Variants in KLF12 observed in about 807,000 individuals in gnomAD.
KLF12 encodes KLF transcription factor 12, also known as Krueppel-like factor 12.
In KLF12, 9 loss-of-function variants were observed where a neutral mutation model predicts 37.8. The observed-to-expected ratio is 0.24, with a 90% CI of 0.14 to 0.42. KLF12 has a LOEUF of 0.42. KLF12 is among the 10% of genes least tolerant of loss of function. The pLI is 1.00. For missense variants in KLF12, 411 were observed against 516.0 expected (o/e 0.80, Z 1.97); for synonymous variants, 208 against 202.1 (o/e 1.03, Z -0.25).
rs534223587 is a variant in KLF12, at chr13:73,976,648, C to T, written c.33+18342G>A. ...AACTCTCCTGCTTATAATTTTTTAA[C>T]GACTACATTTAGAGTGAAGTGAAAT... is the stretch of plus-strand genomic sequence containing the variant. On this transcript the variant is annotated intron_variant, in intron 2 of 7. Transcript: ENST00000377669. 3.3e-4 allele frequency among the ~76,000 whole-genome samples: 50 copies of T among 152,218 alleles called. No homozygotes were observed. The South Asian group carries it at 4.8e-3, about 15-fold the overall frequency.
At chr13:74,069,040 G>C (rs1195733903) in intron 1 of KLF12, among the ~76,000 whole-genome samples, 1 of 152,128 alleles carries the variant, frequency 6.6e-6, no homozygotes, top group Non-Finnish European at 1.5e-5. Flanking sequence ...AGAGACTAAG[G>C]TTTTAGCCCT....
At chr13:73,793,082 C>G (rs1199210973) in intron 5 of KLF12, among the ~76,000 whole-genome samples, 1 of 152,154 alleles carries the variant, frequency 6.6e-6, no homozygotes, top group Non-Finnish European at 1.5e-5. Context: ...AAGTGACAAC[C>G]TTTCTACCCA....
rs545971542 is a variant in KLF12, at chr13:74,097,601, A to G, written c.-32+36138T>C. 9.0e-4 allele frequency among the ~76,000 whole-genome samples: 137 copies of G among 152,288 alleles called. 1 individual carries two copies. The highest frequency in any genetic ancestry group is 1.8e-3 in the Admixed American group (27 of 15,294). ...AGATTCACTGTTTTACCAAATTCAG[A>G]CACTGGAGACCATCATCTCAATATT... On this transcript the variant is annotated intron_variant, in intron 1 of 7. Transcript: ENST00000377669.
the KLF12 span, among the ~76,000 whole-genome samples, chr13:74,304,113 G>A: frequency 2.3e-4 from 35 of 152,166 alleles, no homozygotes; most frequent in Middle Eastern, 3.4e-3. Flanking sequence ...GTGATTTTTC[G>A]GAACCCAAGC....
At position 73,749,563 on chromosome 13, in the gene KLF12, G is replaced by T. The variant is rs538439579; in HGVS notation, c.869+15375C>A. ...GGACTAATTGCAAGGAAATATAAAA[G>T]GGTAAGCTTTTACTAATCAAGCTCT... On this transcript the variant is annotated intron_variant, in intron 6 of 7. Coordinates refer to ENST00000377669, the MANE Select transcript of KLF12 (RefSeq NM_007249.5). 1.2e-4 allele frequency among the ~76,000 whole-genome samples: 19 copies of T among 152,280 alleles called. 1 individual carries two copies. The South Asian group carries it at 3.5e-3, about 28-fold the overall frequency.
the KLF12 span, among the ~76,000 whole-genome samples, chr13:74,238,941 T>C: frequency 1.5e-3 from 227 of 150,294 alleles, no homozygotes; most frequent in South Asian, 9.5e-3. Flanking sequence ...TCTATTTCCT[T>C]CAGTTCTGCT....
intron 3 of KLF12, among the ~76,000 whole-genome samples, chr13:73,882,205 A>T (rs1445114188): frequency 1.3e-5 from 2 of 152,182 alleles, no homozygotes; most frequent in African/African-American, 4.8e-5. Flanking sequence ...TTGAAATACT[A>T]ACCTCTGCAT....
At chr13:74,250,156 G>A in the KLF12 span, among the ~76,000 whole-genome samples, 1 of 152,150 alleles carries the variant, frequency 6.6e-6, no homozygotes, top group Admixed American at 6.5e-5. Flanking sequence ...ATACGTGGAA[G>A]GAGTCATACT....
intron 1 of KLF12, among the ~76,000 whole-genome samples, chr13:74,066,568 G>A (rs1438596810): frequency 3.3e-5 from 5 of 152,116 alleles, no homozygotes; most frequent in Admixed American, 1.3e-4. Flanking sequence ...GTGGGAGAAC[G>A]ACTTGGGCCT....
upstream of KLF12, among the ~76,000 whole-genome samples, chr13:74,137,198 G>C (rs980816927): frequency 2.0e-5 from 3 of 152,204 alleles, no homozygotes; most frequent in African/African-American, 4.8e-5. Flanking sequence ...CTCTACCTCT[G>C]TGTTTGCAGA....
intron 1 of KLF12, among the ~76,000 whole-genome samples, chr13:74,092,269 C>T (rs1875712531): frequency 6.9e-6 from 1 of 144,540 alleles, no homozygotes; most frequent in Non-Finnish European, 1.5e-5. Context: ...TGCACTCTAG[C>T]CTGGGATACA....
At chr13:74,005,747 G>C (rs893999856) in intron 1 of KLF12, among the ~76,000 whole-genome samples, 1 of 152,172 alleles carries the variant, frequency 6.6e-6, no homozygotes, top group Admixed American at 6.5e-5. Context: ...ATACTATTTG[G>C]AGATCTTTAT....
At chr13:73,993,183 G>C (rs1165381042) in intron 2 of KLF12, among the ~76,000 whole-genome samples, 1 of 152,210 alleles carries the variant, frequency 6.6e-6, no homozygotes, top group Admixed American at 6.5e-5. Context: ...AGTAAGCCGA[G>C]ATCGCGCCAC....
intron 1 of KLF12, among the ~76,000 whole-genome samples, chr13:74,021,113 G>A (rs2138423556): frequency 6.6e-6 from 1 of 152,238 alleles, no homozygotes; most frequent in African/African-American, 2.4e-5. Context: ...TAAAGACCAT[G>A]CCAAGAAAAA....
intron 2 of KLF12, among the ~76,000 whole-genome samples, chr13:73,978,352 GA>G (rs35105376): frequency 0.029 from 4,363 of 152,166 alleles, 90 homozygotes; most frequent in Non-Finnish European, 0.044. Context: ...ATAAGCATAT[GA>G]AAAAAATATT....
At position 73,863,881 on chromosome 13, in the gene KLF12, T is replaced by C. The variant is rs540325785; in HGVS notation, c.124-17508A>G. 3.2e-4 allele frequency among the ~76,000 whole-genome samples: 48 copies of C among 152,286 alleles called. 1 individual carries two copies. In the South Asian group the frequency reaches 9.3e-3, roughly 30 times the overall value. On this transcript the variant is annotated intron_variant, in intron 3 of 7. Coordinates refer to ENST00000377669, the MANE Select transcript of KLF12 (RefSeq NM_007249.5). ...ATTAATATCTCTGCAGTAAAACACA[T>C]GAACATTTACACTGAGTGTTATAAA... is the stretch of plus-strand genomic sequence containing the variant.
chr13:73,832,422 T>C (rs1884210417), intron 4 of KLF12, among the ~76,000 whole-genome samples: 1 of 152,178 alleles, frequency 6.6e-6, no homozygotes, highest in Non-Finnish European at 1.5e-5. Context: ...GTTTAAAAGG[T>C]CTCTGTGTTT....
chr13:74,193,695 T>A, the KLF12 span, among the ~76,000 whole-genome samples: 1 of 152,188 alleles, frequency 6.6e-6, no homozygotes, highest in East Asian at 1.9e-4. Flanking sequence ...CTGCTTAGAC[T>A]AAATAAAATT....
At chr13:74,126,988 C>T (rs913074642) in intron 1 of KLF12, among the ~76,000 whole-genome samples, 1 of 152,186 alleles carries the variant, frequency 6.6e-6, no homozygotes, top group Non-Finnish European at 1.5e-5. Context: ...TTTGTACCTA[C>T]TATTTACTCT....
Sources: allele counts gnomAD v4.1 joint callset (sites outside exome capture counted in the v4.1 genomes callset), GRCh38; gene constraint gnomAD v4.1.1; transcripts MANE v1.5; gene names NCBI Gene and HGNC (gene_info 2026-07-23, HGNC 2026-07-21).